Variants in MAN1A1 observed in about 807,000 individuals in gnomAD.
The protein encoded by MAN1A1 is mannosidase alpha class 1A member 1.
Under a neutral mutation model 70.8 loss-of-function variants are expected in MAN1A1, and 29 were observed. The observed-to-expected ratio is 0.41, with a 90% CI of 0.31 to 0.56. MAN1A1 has a LOEUF of 0.56. Ranked by LOEUF, MAN1A1 falls within the 20% of genes least tolerant of loss-of-function variation. MAN1A1 has a pLI of 0.29. For synonymous variants in MAN1A1, 349 were observed against 330.1 expected (o/e 1.06, Z -0.62); for missense variants, 747 against 841.3 (o/e 0.89, Z 1.39).
At chr6:119,219,439 C>A (rs922138552) in intron 6 of MAN1A1, among the ~76,000 whole-genome samples, 5 of 152,102 alleles carry the variant, frequency 3.3e-5, no homozygotes, top group African/African-American at 1.2e-4. Flanking sequence ...AAACAAAGTA[C>A]CACTTACCTA....
intron 2 of MAN1A1, among the ~76,000 whole-genome samples, chr6:119,332,825 T>A (rs1773354554): frequency 6.7e-6 from 1 of 148,666 alleles, no homozygotes; most frequent in Non-Finnish European, 1.5e-5. Flanking sequence ...ATATAATTTT[T>A]ATTTTAAATA....
chr6:119,254,152 G>A (rs557629076), intron 5 of MAN1A1, among the ~76,000 whole-genome samples: 6 of 152,232 alleles, frequency 3.9e-5, no homozygotes, highest in South Asian at 2.1e-4. Context: ...CATTCTAAAG[G>A]GCAATTAAGT....
At chr6:119,315,456 T>C (rs1356673394) in intron 2 of MAN1A1, among the ~76,000 whole-genome samples, 3 of 152,214 alleles carry the variant, frequency 2.0e-5, no homozygotes, top group Non-Finnish European at 4.4e-5. Context: ...TATCTCGTTC[T>C]CCTAAGGAAA....
intron 2 of MAN1A1, among the ~76,000 whole-genome samples, chr6:119,319,885 T>C (rs537915399): frequency 1.3e-5 from 2 of 152,276 alleles, no homozygotes; most frequent in African/African-American, 4.8e-5. Context: ...CCTTCTGCCT[T>C]GAAAAAAGGT....
At position 119,179,308 on chromosome 6, in the gene MAN1A1, C is replaced by CCT. The variant is rs1773084812; in HGVS notation, c.*509_*510dup. The stretch of plus-strand genomic sequence containing the variant: ...AGACATTCTATCAAATAATGATAGA[C>CCT]CTGCATAAGGAGGCTGTCACAGAAG... On this transcript the variant is annotated 3_prime_UTR_variant, in exon 13 of 13. Transcript: ENST00000368468. The CCT allele has an allele frequency of 1.3e-5, 2 of 152,614 alleles. No homozygotes were observed. The highest frequency in any genetic ancestry group is 6.5e-5 in the Admixed American group (1 of 15,278). 9.5% of individuals were successfully genotyped at this position (152,614 alleles called of 1,614,324 possible). A position where few individuals can be genotyped will look rare whatever the true frequency, so the allele number is the denominator to read the frequency against.
At chr6:119,201,197 T>A (rs1773704126) in intron 8 of MAN1A1, 57 bp downstream of exon 8, 1 of 1,292,154 alleles carries the variant, frequency 7.7e-7, no homozygotes, top group Admixed American at 1.8e-5. Context: ...GTGCTTCCTC[T>A]CTCTCCACGA....
chr6:119,199,135 T>C (rs896084247), intron 8 of MAN1A1, among the ~76,000 whole-genome samples: 2 of 152,190 alleles, frequency 1.3e-5, no homozygotes, highest in Non-Finnish European at 2.9e-5. Context: ...AAAACCACAT[T>C]TGTTAATATC....
intron 2 of MAN1A1, among the ~76,000 whole-genome samples, chr6:119,323,176 C>G (rs1773061421): frequency 6.6e-6 from 1 of 152,126 alleles, no homozygotes; most frequent in African/African-American, 2.4e-5. Flanking sequence ...GGTTCTAGCC[C>G]TAATTTAAAA....
At chr6:119,262,905 T>C (rs1582746482) in intron 5 of MAN1A1, among the ~76,000 whole-genome samples, 2 of 152,156 alleles carry the variant, frequency 1.3e-5, no homozygotes, top group African/African-American at 4.8e-5. Context: ...CCAAAAGAGA[T>C]TAACGTTTGA....
At chr6:119,259,636 T>C (rs1221944999) in intron 5 of MAN1A1, among the ~76,000 whole-genome samples, 1 of 152,204 alleles carries the variant, frequency 6.6e-6, no homozygotes, top group Non-Finnish European at 1.5e-5. Context: ...TATAGTTTTA[T>C]TTCAGCTGAC....
chr6:119,208,893 G>C (rs745621862), intron 6 of MAN1A1, among the ~76,000 whole-genome samples: 1 of 151,920 alleles, frequency 6.6e-6, no homozygotes, highest in Non-Finnish European at 1.5e-5. Flanking sequence ...TCAGGAGTTC[G>C]AGACCAGCCT....
At chr6:119,315,093 T>C (rs1160033093) in intron 2 of MAN1A1, among the ~76,000 whole-genome samples, 10 of 152,244 alleles carry the variant, frequency 6.6e-5, no homozygotes, top group Non-Finnish European at 1.2e-4. Flanking sequence ...TGTTGCTATG[T>C]GTGCAATTCG....
intron 4 of MAN1A1, among the ~76,000 whole-genome samples, chr6:119,299,613 A>C (rs1447964003): frequency 6.6e-6 from 1 of 152,312 alleles, no homozygotes; most frequent in East Asian, 1.9e-4. Context: ...TAAATAAAGA[A>C]AACTTCAAAG....
At chr6:119,309,565 T>C (rs1228692865) in intron 2 of MAN1A1, among the ~76,000 whole-genome samples, 3 of 152,200 alleles carry the variant, frequency 2.0e-5, no homozygotes, top group African/African-American at 7.2e-5. Flanking sequence ...AGTCTTTCAT[T>C]AACTTAATTA....
intron 4 of MAN1A1, among the ~76,000 whole-genome samples, chr6:119,293,185 C>T (rs756663274): frequency 6.6e-6 from 1 of 152,046 alleles, no homozygotes; most frequent in Non-Finnish European, 1.5e-5. Flanking sequence ...TTTATGTAGA[C>T]ATCCGATAAA....
chr6:119,243,000 AAAG>A (rs1248219785), intron 6 of MAN1A1, among the ~76,000 whole-genome samples: 1 of 152,140 alleles, frequency 6.6e-6, no homozygotes, highest in Non-Finnish European at 1.5e-5. Context: ...AAGAAACCAT[AAAG>A]AAGGTTAACT....
intron 5 of MAN1A1, among the ~76,000 whole-genome samples, chr6:119,271,242 A>C (rs1159354073): frequency 6.6e-6 from 1 of 152,192 alleles, no homozygotes; most frequent in African/African-American, 2.4e-5. Flanking sequence ...TGTGAACTTG[A>C]ATGTTAGTGT....
At chr6:119,287,244 T>A (rs1447973927) in intron 5 of MAN1A1, among the ~76,000 whole-genome samples, 1 of 152,122 alleles carries the variant, frequency 6.6e-6, no homozygotes, top group Non-Finnish European at 1.5e-5. Context: ...CTATGCCAAC[T>A]TGACACTTTT....
chr6:119,280,978 C>G (rs537579101), intron 5 of MAN1A1, among the ~76,000 whole-genome samples: 1 of 152,348 alleles, frequency 6.6e-6, no homozygotes, highest in South Asian at 2.1e-4. Context: ...CGCTGCCAAA[C>G]AGCAACTGGC....
Sources: gnomAD v4.1 joint callset for allele counts (sites outside exome capture counted in the v4.1 genomes callset) on GRCh38, gnomAD v4.1.1 for gene constraint, MANE v1.5 for transcripts, NCBI Gene and HGNC (gene_info 2026-07-23, HGNC 2026-07-21) for gene names.